Variants in USH2A observed in about 807,000 individuals in gnomAD.
USH2A encodes Usher syndrome 2A (autosomal recessive, mild).
USH2A carries 443 observed loss-of-function variants against 538.9 expected under a neutral mutation model. That is an observed-to-expected ratio of 0.82 (90% CI 0.76 to 0.89). The LOEUF (loss-of-function observed/expected upper bound fraction) is 0.89, where lower values mean the gene tolerates loss of function less well. Among genes scored for constraint, USH2A ranks in the 40% least tolerant of loss-of-function variants. The probability of loss-of-function intolerance (pLI) is 0.00; values close to 1 mark genes in which losing one functional copy is unlikely to be tolerated. For synonymous variants in USH2A, 2,413 were observed against 2,273.5 expected (o/e 1.06, Z -1.75); for missense variants, 6,633 against 6,324.8 (o/e 1.05, Z -1.65).
intron 45 of USH2A, 53 bp from the exon 46 acceptor site, chr1:215,844,549 A>T: frequency 6.3e-7 from 1 of 1,577,210 alleles, no homozygotes; most frequent in South Asian, 1.1e-5. Context: ...GAAAAAGCAC[A>T]TGTTAAGCTA....
chr1:215,801,721 A>T (rs1282523005), intron 49 of USH2A, among the ~76,000 whole-genome samples: 3 of 152,156 alleles, frequency 2.0e-5, no homozygotes, highest in Non-Finnish European at 2.9e-5. Context: ...CTACAGAATC[A>T]ATTCAATCCC....
intron 3 of USH2A, among the ~76,000 whole-genome samples, chr1:216,383,803 T>C (rs996791017): frequency 1.3e-5 from 2 of 151,880 alleles, no homozygotes; most frequent in Admixed American, 1.3e-4. Context: ...GCCTTCTGAG[T>C]AGCTGGGACT....
chr1:216,263,132 T>C (rs148349849), intron 11 of USH2A, among the ~76,000 whole-genome samples: 13 of 152,256 alleles, frequency 8.5e-5, no homozygotes, highest in African/African-American at 3.1e-4. Flanking sequence ...GATTCAGTAA[T>C]TAAGAGTCTC....
At chr1:216,086,651 T>C (rs2032142208) in intron 24 of USH2A, 68 bp downstream of exon 24, 2 of 1,255,886 alleles carry the variant, frequency 1.6e-6, no homozygotes, top group Admixed American at 1.8e-5. Flanking sequence ...ATTCTTACTT[T>C]AAAATAATGT....
chr1:215,743,414 G>GTCTATA (rs1416125197), intron 58 of USH2A, 79 bp from the exon 59 acceptor site: 14,156 of 388,180 alleles, frequency 0.036, 1,700 homozygotes, highest in Admixed American at 0.046. Context: ...GTGTGTGTGT[G>GTCTATA]TGTATATATA....
chr1:215,687,565 G>GT (rs1420396120), intron 61 of USH2A, among the ~76,000 whole-genome samples: 14 of 152,080 alleles, frequency 9.2e-5, no homozygotes, highest in African/African-American at 3.4e-4. Flanking sequence ...GGGAAAAATG[G>GT]TTTTGAAATG....
chr1:216,288,968 G>T (rs966352879), intron 11 of USH2A, among the ~76,000 whole-genome samples: 4 of 152,040 alleles, frequency 2.6e-5, no homozygotes, highest in African/African-American at 4.8e-5. Context: ...TTTATATCAT[G>T]TATTAATATT....
intron 58 of USH2A, among the ~76,000 whole-genome samples, chr1:215,754,160 A>G (rs1660715534): frequency 6.6e-6 from 1 of 152,230 alleles, no homozygotes; most frequent in African/African-American, 2.4e-5. Flanking sequence ...TTGCATAAAA[A>G]TTAACTGAGG....
intron 4 of USH2A, among the ~76,000 whole-genome samples, chr1:216,337,293 T>C (rs1030811565): frequency 6.6e-6 from 1 of 151,376 alleles, no homozygotes; most frequent in Non-Finnish European, 1.5e-5. Context: ...ATTCTTTTGA[T>C]GCTAATTTTA....
At position 216,273,330 on chromosome 1, in the gene USH2A, C is replaced by T. The variant is rs191048443; in HGVS notation, c.1971+15950G>A. On this transcript the variant is annotated intron_variant, in intron 11 of 71. Transcript: ENST00000307340. ...AGAGCCGAGGGCAATCTAGCTTCCA[C>T]GGACTCTCAAAACTCACTGACCAGG... Among the ~76,000 whole-genome samples, 46 of 152,032 alleles carry T rather than the reference C, an allele frequency of 3.0e-4. 1 individual carries two copies. Among genetic ancestry groups the T allele is most frequent in the Admixed American group, 3.0e-3 (45 of 15,254 alleles).
At chr1:216,114,630 T>C (rs924749784) in intron 21 of USH2A, among the ~76,000 whole-genome samples, 3 of 152,154 alleles carry the variant, frequency 2.0e-5, no homozygotes, top group Admixed American at 6.5e-5. Flanking sequence ...TAGGAAACTT[T>C]AGGCTAAAAG....
At chr1:215,859,470 G>A (rs1664259477) in intron 44 of USH2A, among the ~76,000 whole-genome samples, 1 of 151,278 alleles carries the variant, frequency 6.6e-6, no homozygotes, top group South Asian at 2.1e-4. Context: ...GGAGGTGGAG[G>A]TTGCAGTGAG....
chr1:215,732,079 A>C lies in USH2A; in HGVS notation c.11712-3695T>G, dbSNP rs531898318. The stretch of plus-strand genomic sequence containing the variant: ...TGTAATGCATGATCTGAATGAAGTT[A>C]TCATGGAGATGATGTGCATCTGGCA... On this transcript the variant is annotated intron_variant, in intron 60 of 71. Coordinates refer to ENST00000307340, the MANE Select transcript of USH2A (RefSeq NM_206933.4). 9.2e-5 allele frequency among the ~76,000 whole-genome samples: 14 copies of C among 152,374 alleles called. 1 individual carries two copies. Among genetic ancestry groups the C allele is most frequent in the African/African-American group, 3.4e-4 (14 of 41,596 alleles).
chr1:215,674,927 G>C lies in USH2A; in HGVS notation c.12984C>G (p.Thr4328=). The change falls in exon 63 of 72, where the codon ACC becomes ACG. Residue 4328 remains threonine, a synonymous_variant. Transcript: ENST00000307340. The part of the protein sequence containing the change: ...YTDEELLPFS[T]YSYALQACTS... ...TGCAGGCTTGGAGTGCATAGCTATAGGTGGAAAAAGGAAGAAGCTCTTCAT... is the reference window on the plus strand; with the variant it reads ...TGCAGGCTTGGAGTGCATAGCTATACGTGGAAAAAGGAAGAAGCTCTTCAT... 1 of 1,614,178 alleles carries C rather than the reference G, an allele frequency of 6.2e-7. No individual in the cohort carries two copies.
chr1:216,169,626 C>T (rs947614628), intron 21 of USH2A, among the ~76,000 whole-genome samples: 13 of 152,128 alleles, frequency 8.5e-5, no homozygotes, highest in Non-Finnish European at 1.3e-4. Context: ...AGAAGATATG[C>T]ATTTTGATCC....
intron 37 of USH2A, among the ~76,000 whole-genome samples, chr1:215,938,645 T>C (rs972016897): frequency 6.6e-6 from 1 of 152,048 alleles, no homozygotes; most frequent in Admixed American, 6.6e-5. Flanking sequence ...TGAGTATAAG[T>C]GGATGGTGCA....
At position 215,983,759 on chromosome 1, in the gene USH2A, A is replaced by G. The variant is rs573081873; in HGVS notation, c.6805+9261T>C. 8.5e-5 allele frequency among the ~76,000 whole-genome samples: 13 copies of G among 152,320 alleles called. No homozygotes were observed. The South Asian group carries it at 2.7e-3, about 32-fold the overall frequency. ...TGGAAAAGATTTTAGTGGAACTCCTATTTACAAAGATGCGGACAGGGTTAA... is the reference window on the plus strand; with the variant it reads ...TGGAAAAGATTTTAGTGGAACTCCTGTTTACAAAGATGCGGACAGGGTTAA... On this transcript the variant is annotated intron_variant, in intron 35 of 71. Transcript: ENST00000307340.
In USH2A at chr1:215,671,055, A is replaced by G. The variant is rs1463849396; in HGVS notation, c.14050T>C (p.Ser4684Pro). The G allele has an allele frequency of 4.3e-6, 7 of 1,614,136 alleles. No individual in the cohort carries two copies. Among genetic ancestry groups the G allele is most frequent in the South Asian group, 2.2e-5 (2 of 91,082 alleles). ...CCGTTATAGATTAGGACTGGATTGGATTTTCTAGGCTGAGTTGCTATTTGT... is the reference window on the plus strand; with the variant it reads ...CCGTTATAGATTAGGACTGGATTGGGTTTTCTAGGCTGAGTTGCTATTTGT... Reference protein sequence around the residue: ...RRQIATQPRKSNPVLIYNGSS... With the variant: ...RRQIATQPRKPNPVLIYNGSS... Residue 4684 changes from serine to proline, a missense_variant, in exon 64 of 72, where the codon TCC becomes CCC. By Grantham distance (74) the Ser-to-Pro change is moderately conservative. Transcript: ENST00000307340.
chr1:216,248,940 C>G (rs2036104582), intron 12 of USH2A, among the ~76,000 whole-genome samples: 1 of 151,952 alleles, frequency 6.6e-6, no homozygotes, highest in Non-Finnish European at 1.5e-5. Context: ...GATGAATGAC[C>G]TACTTTAATA....
Sources: allele counts gnomAD v4.1 joint callset (sites outside exome capture counted in the v4.1 genomes callset), GRCh38; gene constraint gnomAD v4.1.1; transcripts MANE v1.5; gene names NCBI Gene and HGNC (gene_info 2026-07-23, HGNC 2026-07-21).